The following SLC17A6 variants were observed in gnomAD, a reference collection of about 807,000 sequenced individuals.
SLC17A6 encodes the protein solute carrier family 17 member 6.
Under a neutral mutation model 67.1 loss-of-function variants are expected in SLC17A6, and 35 were observed. The observed-to-expected ratio is 0.52, with a 90% CI of 0.40 to 0.69. The LOEUF is 0.69. SLC17A6 is among the 30% of genes least tolerant of loss of function. The pLI is 0.00. For missense variants in SLC17A6, 588 were observed against 723.9 expected (o/e 0.81, Z 2.15); for synonymous variants, 285 against 252.3 (o/e 1.13, Z -1.23).
chr11:22,366,632 G>A (rs1174059877), intron 7 of SLC17A6, among the ~76,000 whole-genome samples: 1 of 152,118 alleles, frequency 6.6e-6, no homozygotes, highest in African/African-American at 2.4e-5. Flanking sequence ...TAATGCAAAT[G>A]TTTTATTCCA....
chr11:22,341,905 C>T (rs1197228837), intron 2 of SLC17A6, 125 bp downstream of exon 2: 11 of 1,378,046 alleles, frequency 8.0e-6, no homozygotes, highest in Middle Eastern at 3.7e-4. Context: ...CTAAGCTCCT[C>T]TCTGGCTCTG....
chr11:22,370,234 T>A (rs779694435), intron 8 of SLC17A6, 46 bp downstream of exon 8: 18 of 1,500,938 alleles, frequency 1.2e-5, no homozygotes, highest in Non-Finnish European at 1.8e-6. Context: ...ACCTGTGTAT[T>A]TAAGTGAATA....
Position 22,370,194 on chromosome 11 carries a change from T to A in SLC17A6, c.1041+6T>A, listed in dbSNP as rs1318710639. 3.8e-6 allele frequency: 6 copies of A among 1,595,570 alleles called. No homozygotes were observed. The South Asian group carries it at 6.9e-5, about 18-fold the overall frequency. ...TTGGATTTGAAATTAGCAAGGTATG[T>A]AAAATGTATTCTTATATAAATTGTG... On this transcript the variant is annotated splice_donor_region_variant and intron_variant, in intron 8 of 11. Coordinates refer to ENST00000263160, the MANE Select transcript of SLC17A6 (RefSeq NM_020346.3).
chr11:22,347,082 T>C (rs1855885753), intron 3 of SLC17A6, among the ~76,000 whole-genome samples: 1 of 151,992 alleles, frequency 6.6e-6, no homozygotes, highest in African/African-American at 2.4e-5. Flanking sequence ...TCACCACCTG[T>C]CATATCAATA....
At chr11:22,343,442 G>T in intron 3 of SLC17A6, 77 bp downstream of exon 3, 1 of 1,282,698 alleles carries the variant, frequency 7.8e-7, no homozygotes, top group Non-Finnish European at 1.1e-6. Context: ...CTGGAGCAGA[G>T]ACAACAGCCC....
At chr11:22,353,061 A>G (rs568239393) in intron 3 of SLC17A6, among the ~76,000 whole-genome samples, 1 of 152,212 alleles carries the variant, frequency 6.6e-6, no homozygotes, top group Non-Finnish European at 1.5e-5. Context: ...GTGCAAAATC[A>G]TTCTGGAGAA....
chr11:22,368,777 T>C (rs1405876827), intron 7 of SLC17A6, among the ~76,000 whole-genome samples: 2 of 152,058 alleles, frequency 1.3e-5, no homozygotes, highest in Non-Finnish European at 1.5e-5. Flanking sequence ...CCAGAACATA[T>C]TGATTTCTTT....
chr11:22,345,191 C>T (rs370860817), intron 3 of SLC17A6, among the ~76,000 whole-genome samples: 118 of 150,012 alleles, frequency 7.9e-4, no homozygotes, highest in African/African-American at 2.5e-3. Flanking sequence ...AGTCAGTAAA[C>T]GGGTTTTTCC....
rs769869861 is a variant in SLC17A6 at position 22,360,878 on chromosome 11, G to A, written c.574-19G>A. 5 of 1,608,542 alleles carry A rather than the reference G, an allele frequency of 3.1e-6. 1 individual carries two copies. In the South Asian group the frequency reaches 5.5e-5, roughly 18 times the overall value. ...TGATCCTAAATGGTGACAGTGATGA[G>A]TATCTTCCCCCATCACAGGGTGTGA... On this transcript the variant is annotated intron_variant, in intron 4 of 11. Coordinates refer to ENST00000263160, the MANE Select transcript of SLC17A6 (RefSeq NM_020346.3).
intron 7 of SLC17A6, among the ~76,000 whole-genome samples, chr11:22,367,783 A>C (rs2133874386): frequency 6.6e-6 from 1 of 152,338 alleles, no homozygotes; most frequent in South Asian, 2.1e-4. Flanking sequence ...GAATGAAAAA[A>C]CAGCATAATC....
chr11:22,351,798 C>T lies in SLC17A6; in HGVS notation c.459-7615C>T, dbSNP rs548775116. Among the ~76,000 whole-genome samples, 16 of 152,130 alleles carry T rather than the reference C, an allele frequency of 1.1e-4. No homozygotes were observed. The East Asian group carries it at 2.7e-3, about 26-fold the overall frequency. ...TTTTGATCAGAGAATAACTTTAAAA[C>T]GTTTTAATGATGAACATCATTTTCA... On this transcript the variant is annotated intron_variant, in intron 3 of 11. Coordinates refer to ENST00000263160, the MANE Select transcript of SLC17A6 (RefSeq NM_020346.3).
Position 22,365,607 on chromosome 11 carries a change from A to T in SLC17A6, c.809A>T (p.Lys270Met). Residue 270 changes from lysine to methionine, a missense_variant, in exon 7 of 12, where the codon AAG (lysine) becomes ATG (methionine). Lys to Met is a moderately conservative substitution (Grantham distance 95). Around this residue, in one of 4 missense-constraint regions of SLC17A6, gnomAD observed 414 missense variants for 563.4 expected, o/e 0.73. Transcript: ENST00000263160. ...TTGGTGTCTTATGAAAGTCCTGCAA[A>T]GCATCCTACTATTACAGATGAAGAA... ...WLLVSYESPA[K>M]HPTITDEERR... 2 of 1,614,046 alleles carry T rather than the reference A, an allele frequency of 1.2e-6. No individual in the cohort carries two copies. Among genetic ancestry groups the T allele is most frequent in the South Asian group, 2.2e-5 (2 of 91,082 alleles).
intron 3 of SLC17A6, among the ~76,000 whole-genome samples, chr11:22,343,743 C>T (rs951741599): frequency 6.6e-6 from 1 of 151,724 alleles, no homozygotes; most frequent in Non-Finnish European, 1.5e-5. Context: ...GCGCTCTCTC[C>T]TGCACTCCCC....
chr11:22,377,610 C>A lies in SLC17A6; in HGVS notation c.1619C>A (p.Thr540Asn). 6.2e-7 allele frequency: 1 copy of A among 1,614,022 alleles called. No individual in the cohort carries two copies. The highest frequency in any genetic ancestry group is 8.5e-7 in the Non-Finnish European group (1 of 1,179,962). Reference protein sequence around the residue: ...DITQNYINYGTTKSYGATTQA... With the variant: ...DITQNYINYGNTKSYGATTQA... The stretch of plus-strand genomic sequence containing the variant: ...ACTCAAAATTATATAAATTATGGTA[C>A]CACCAAGTCTTATGGTGCCACAACA... The change falls in exon 12 of 12, where the codon ACC (threonine) becomes AAC (asparagine). Residue 540 changes from threonine to asparagine, a missense_variant. Transcript: ENST00000263160.
intron 3 of SLC17A6, among the ~76,000 whole-genome samples, chr11:22,351,091 A>G (rs1038504582): frequency 1.3e-5 from 2 of 152,134 alleles, no homozygotes; most frequent in South Asian, 2.1e-4. Flanking sequence ...AAATTATATT[A>G]TAAAATCATC....
At chr11:22,376,450 A>C in intron 10 of SLC17A6, 95 bp from the exon 11 acceptor site, 1 of 1,355,670 alleles carries the variant, frequency 7.4e-7, no homozygotes, top group Admixed American at 1.8e-5. Context: ...TTCTGTACCC[A>C]GTATATTTTA....
At chr11:22,374,428 A>G (rs1424085495) in intron 8 of SLC17A6, among the ~76,000 whole-genome samples, 1 of 151,772 alleles carries the variant, frequency 6.6e-6, no homozygotes, top group Non-Finnish European at 1.5e-5. Flanking sequence ...CTCTCTCACC[A>G]CTTTTCCTCT....
At chr11:22,351,307 G>A (rs1855934972) in intron 3 of SLC17A6, among the ~76,000 whole-genome samples, 1 of 152,022 alleles carries the variant, frequency 6.6e-6, no homozygotes, top group South Asian at 2.1e-4. Flanking sequence ...GTGTAATAGT[G>A]AGGTTTAGGC....
intron 3 of SLC17A6, 99 bp downstream of exon 3, chr11:22,343,464 A>G: frequency 3.0e-6 from 3 of 1,009,530 alleles, no homozygotes; most frequent in Non-Finnish European, 4.4e-6. Flanking sequence ...GAGGGGTTTG[A>G]GGACTCCCGG....
Sources: allele counts gnomAD v4.1 joint callset (sites outside exome capture counted in the v4.1 genomes callset), GRCh38; gene constraint gnomAD v4.1.1; regional missense constraint gnomAD v4.1.1; transcripts MANE v1.5; gene names NCBI Gene and HGNC (gene_info 2026-07-23, HGNC 2026-07-21).